Variants in NSD3 observed in about 807,000 individuals in gnomAD.
NSD3 encodes the protein histone-lysine N-methyltransferase NSD3.
A neutral mutation model predicts 160.8 loss-of-function variants in NSD3; 24 were observed. The ratio of observed to expected loss-of-function variants is 0.15; its 90% CI spans 0.11 to 0.21. The LOEUF (loss-of-function observed/expected upper bound fraction) is 0.21. NSD3 is among the 10% of genes least tolerant of loss of function. The pLI is 1.00. For synonymous variants in NSD3, 520 were observed against 600.0 expected, an observed-to-expected ratio of 0.87 and a Z score of 1.95; for missense variants, 1,157 against 1,735.9, an observed-to-expected ratio of 0.67 and a Z score of 5.93.
chr8:38,285,214 A>G (rs746679150), intron 19 of NSD3, among the ~76,000 whole-genome samples: 12 of 152,094 alleles, frequency 7.9e-5, no homozygotes, highest in Non-Finnish European at 1.6e-4. Context: ...TCAATATTTA[A>G]TATCTTAAAA....
intron 12 of NSD3, among the ~76,000 whole-genome samples, chr8:38,307,009 G>A (rs1008521587): frequency 6.6e-5 from 10 of 151,596 alleles, no homozygotes; most frequent in African/African-American, 2.4e-4. Flanking sequence ...CAGCTACTCG[G>A]GAGGCAGAGG....
chr8:38,278,280 TG>T, intron 22 of NSD3, 25 bp downstream of exon 22: 1 of 1,607,532 alleles, frequency 6.2e-7, no homozygotes, highest in Non-Finnish European at 8.5e-7. Context: ...GCCTGTTGAC[TG>T]GGGGCGCTCC....
At chr8:38,332,428 C>A (rs754561512) in intron 4 of NSD3, among the ~76,000 whole-genome samples, 3 of 152,262 alleles carry the variant, frequency 2.0e-5, no homozygotes, top group African/African-American at 2.4e-5. Flanking sequence ...TGAGCCACTG[C>A]GCCTGCATCT....
rs1808978503 is a variant in NSD3, at chr8:38,290,549, C to T, written c.3044G>A (p.Arg1015Lys). 1.2e-6 allele frequency: 2 copies of T among 1,614,036 alleles called. No homozygotes were observed. Among genetic ancestry groups the T allele is most frequent in the Non-Finnish European group, 8.5e-7 (1 of 1,180,028 alleles). The change falls in exon 17 of 24, where the codon AGA becomes AAA. Residue 1015 changes from arginine to lysine, a missense_variant. Physicochemically the swap from Arg to Lys is conservative, Grantham distance 26 (BLOSUM62 2). This residue lies in a region of NSD3 where 437 missense variants were observed against 576.6 expected (regional missense o/e 0.76). Transcript: ENST00000317025. The stretch of plus-strand genomic sequence containing the variant: ...GTCTCCTTCAACATAAGGGAACACT[C>T]TGCCCTGGTGTACCCAGTAGTAGTC... ...SHDYYWVHQG[R>K]VFPYVEGDKS... is the part of the protein sequence containing the mutation.
At chr8:38,292,903 C>T (rs1281439868) in intron 16 of NSD3, among the ~76,000 whole-genome samples, 8 of 151,738 alleles carry the variant, frequency 5.3e-5, no homozygotes, top group Admixed American at 2.6e-4. Context: ...ACCCGGGAGG[C>T]GGAGGTTGCA....
intron 10 of NSD3, 75 bp from the exon 11 acceptor site, chr8:38,315,619 T>C: frequency 6.4e-7 from 1 of 1,571,074 alleles, no homozygotes. Flanking sequence ...ATGAAAATCC[T>C]AGTAAGACTT....
Position 38,331,532 on chromosome 8 carries a change from C to T in NSD3, c.964G>A (p.Val322Ile). 1.2e-6 allele frequency: 2 copies of T among 1,613,804 alleles called. No homozygotes were observed. Among genetic ancestry groups the T allele is most frequent in the Non-Finnish European group, 1.7e-6 (2 of 1,179,860 alleles). Reference sequence around the variant, plus strand: ...TACTCTCGTACCCGTTTTTCATGAACCCACGCCCTCTCTGGCTGGTTGCTA... The same window carrying T: ...TACTCTCGTACCCGTTTTTCATGAATCCACGCCCTCTCTGGCTGGTTGCTA... The part of the protein sequence containing the change: ...FFSNQPERAW[V>I]HEKRVREYKG... The change falls in exon 5 of 24, where the codon GTT becomes ATT. Residue 322 changes from valine (V) to isoleucine (I), a missense_variant. By Grantham distance (29) the Val-to-Ile change is conservative. Coordinates refer to ENST00000317025, the MANE Select transcript of NSD3 (RefSeq NM_023034.2).
chr8:38,286,608 C>A (rs930625496), intron 19 of NSD3, among the ~76,000 whole-genome samples: 2 of 152,202 alleles, frequency 1.3e-5, no homozygotes, highest in African/African-American at 4.8e-5. Flanking sequence ...AACTAATACA[C>A]CAAATCAGAT....
At position 38,326,091 on chromosome 8, in the gene NSD3, C is replaced by T. The variant is rs575147540; in HGVS notation, c.1708+639G>A. On this transcript the variant is annotated intron_variant, in intron 7 of 23. Transcript: ENST00000317025. The stretch of plus-strand genomic sequence containing the variant: ...TGAACCTGGGAGGTGGAGGTTGCAG[C>T]GAACCGAGATTGAGCCACTGCACTC... 1.9e-4 allele frequency among the ~76,000 whole-genome samples: 29 copies of T among 151,264 alleles called. 1 individual carries two copies. The South Asian group carries it at 5.9e-3, about 31-fold the overall frequency.
At chr8:38,291,810 T>A (rs561057109) in intron 16 of NSD3, among the ~76,000 whole-genome samples, 1 of 152,344 alleles carries the variant, frequency 6.6e-6, no homozygotes, top group East Asian at 1.9e-4. Flanking sequence ...GTCCTCATAT[T>A]TTCCCCCAAG....
chr8:38,346,197 T>C (rs1247217817), intron 2 of NSD3, among the ~76,000 whole-genome samples: 1 of 149,272 alleles, frequency 6.7e-6, no homozygotes, highest in Non-Finnish European at 1.5e-5. Context: ...TATATGTATA[T>C]ACATACCTAT....
chr8:38,303,727 T>C (rs547913647), intron 14 of NSD3, among the ~76,000 whole-genome samples: 7 of 152,268 alleles, frequency 4.6e-5, no homozygotes, highest in South Asian at 2.1e-4. Flanking sequence ...ATGGTCTAAA[T>C]AGAATCTAAC....
At chr8:38,333,934 T>C (rs1439800953) in intron 4 of NSD3, among the ~76,000 whole-genome samples, 2 of 152,202 alleles carry the variant, frequency 1.3e-5, no homozygotes, top group Non-Finnish European at 2.9e-5. Flanking sequence ...TTACTATATA[T>C]GATTAAGATA....
chr8:38,295,382 G>A (rs1031939353), intron 16 of NSD3, among the ~76,000 whole-genome samples: 8 of 151,832 alleles, frequency 5.3e-5, no homozygotes, highest in Non-Finnish European at 1.2e-4. Flanking sequence ...GCAACATGGC[G>A]AAACATTGTC....
intron 2 of NSD3, among the ~76,000 whole-genome samples, chr8:38,339,062 C>A (rs1007795020): frequency 6.6e-6 from 1 of 151,668 alleles, no homozygotes; most frequent in East Asian, 1.9e-4. Flanking sequence ...ATCACTTGAA[C>A]CCAGGAGGCG....
At position 38,329,262 on chromosome 8, in the gene NSD3, CA is replaced by C; in HGVS notation, c.1581+115del. On this transcript the variant is annotated intron_variant, in intron 6 of 23. Transcript: ENST00000317025. This position sits in a 1 kb window ranked among gnomAD's most constrained non-coding sequence, Gnocchi z 4.8. ...CACAGAGTACAATGACTGTATGTTTCAAATTCAGTGGGTAGAAAGGGTATTT... is the reference window on the plus strand; with the variant it reads ...CACAGAGTACAATGACTGTATGTTTCAATTCAGTGGGTAGAAAGGGTATTT... 1.6e-6 allele frequency: 2 copies of C among 1,268,498 alleles called. No individual in the cohort carries two copies. Among genetic ancestry groups the C allele is most frequent in the Non-Finnish European group, 2.2e-6 (2 of 928,182 alleles). The allele number at this position is 1,268,498 out of a possible 1,614,324, so 78.6% of individuals were successfully genotyped here.
At chr8:38,353,713 T>G (rs1810755446) in intron 1 of NSD3, among the ~76,000 whole-genome samples, 1 of 152,194 alleles carries the variant, frequency 6.6e-6, no homozygotes, top group Non-Finnish European at 1.5e-5. Context: ...ACATATACAT[T>G]TGTATCACAG....
At chr8:38,368,322 C>T (rs905657533) in intron 1 of NSD3, among the ~76,000 whole-genome samples, 3 of 152,158 alleles carry the variant, frequency 2.0e-5, no homozygotes, top group Non-Finnish European at 2.9e-5. Flanking sequence ...GCGTTGTCAC[C>T]TCAAATATTT....
Position 38,288,933 on chromosome 8 carries a change from A to G in NSD3, c.3232-177T>C, listed in dbSNP as rs1808930933. Among the ~76,000 whole-genome samples, 1 of 152,230 alleles carries G rather than the reference A, an allele frequency of 6.6e-6. No homozygotes were observed. The highest frequency in any genetic ancestry group is 6.5e-5 in the Admixed American group (1 of 15,284). On this transcript the variant is annotated intron_variant, in intron 18 of 23. Transcript: ENST00000317025. The surrounding 1 kb of genome is among the most constrained non-coding windows in gnomAD (Gnocchi z 4.5). ...CTCTTTTGTCATTTAGTTGACAAAA[A>G]TATCAAAGCCTCATGTGAATTTTCA...
Sources: gnomAD v4.1 joint callset for allele counts (sites outside exome capture counted in the v4.1 genomes callset) on GRCh38, gnomAD v4.1.1 for gene constraint, gnomAD v4.1.1 regional missense constraint, Gnocchi (gnomAD v3.1) non-coding constraint, MANE v1.5 for transcripts, NCBI Gene and HGNC (gene_info 2026-07-23, HGNC 2026-07-21) for gene names.